LRFN5: variants seen among roughly 807,000 people sequenced by gnomAD.
The protein encoded by LRFN5 is leucine-rich repeat and fibronectin type-III domain-containing protein 5.
LRFN5 carries 24 observed loss-of-function variants against 45.6 expected under a neutral mutation model. That is an observed-to-expected ratio of 0.53 (90% CI 0.38 to 0.74). The LOEUF (loss-of-function observed/expected upper bound fraction) is 0.74, where lower values mean the gene tolerates loss of function less well. Ranked by LOEUF, LRFN5 falls within the 30% of genes least tolerant of loss-of-function variation. LRFN5 has a pLI of 0.00. For synonymous variants in LRFN5, 340 were observed against 313.8 expected (o/e 1.08, Z -0.88); for missense variants, 776 against 861.5 (o/e 0.90, Z 1.24).
intron 2 of LRFN5, among the ~76,000 whole-genome samples, chr14:41,817,346 T>C (rs1235108868): frequency 6.6e-6 from 1 of 152,112 alleles, no homozygotes; most frequent in Non-Finnish European, 1.5e-5. Context: ...TACTTTGTAC[T>C]TGATAACTGG....
At chr14:41,763,760 C>A (rs999717638) in intron 1 of LRFN5, among the ~76,000 whole-genome samples, 1 of 152,162 alleles carries the variant, frequency 6.6e-6, no homozygotes, top group African/African-American at 2.4e-5. Flanking sequence ...GTGAGGCCTC[C>A]CCAGCCATGT....
At chr14:41,725,195 TG>T (rs1306478381) in intron 1 of LRFN5, among the ~76,000 whole-genome samples, 1 of 152,286 alleles carries the variant, frequency 6.6e-6, no homozygotes, top group East Asian at 1.9e-4. Flanking sequence ...ACATTTTAGA[TG>T]TGGCGAACTT....
chr14:41,727,946 C>A (rs1174134448), intron 1 of LRFN5, among the ~76,000 whole-genome samples: 1 of 152,072 alleles, frequency 6.6e-6, no homozygotes, highest in Non-Finnish European at 1.5e-5. Flanking sequence ...AATGCAAATG[C>A]CTTCTCACCC....
At chr14:41,681,313 C>T (rs1881871926) in intron 1 of LRFN5, among the ~76,000 whole-genome samples, 1 of 152,010 alleles carries the variant, frequency 6.6e-6, no homozygotes, top group African/African-American at 2.4e-5. Context: ...CACCTTAAGA[C>T]ATTTAATAAT....
At chr14:41,654,814 C>T (rs921146562) in intron 1 of LRFN5, among the ~76,000 whole-genome samples, 7 of 152,074 alleles carry the variant, frequency 4.6e-5, no homozygotes, top group African/African-American at 1.7e-4. Context: ...GACCTTCCCA[C>T]AGTACTGATA....
At chr14:41,702,247 T>G (rs567576220) in intron 1 of LRFN5, among the ~76,000 whole-genome samples, 1 of 152,278 alleles carries the variant, frequency 6.6e-6, no homozygotes, top group Admixed American at 6.5e-5. Flanking sequence ...ACACCAAGAC[T>G]CAGAGAAGTT....
At chr14:41,836,829 G>T (rs976417100) in intron 2 of LRFN5, among the ~76,000 whole-genome samples, 1 of 110,752 alleles carries the variant, frequency 9.0e-6, no homozygotes, top group Non-Finnish European at 2.0e-5. Flanking sequence ...CTCCTTGTTG[G>T]GTATCTTAAT....
chr14:41,734,407 A>G (rs1014727301), intron 1 of LRFN5, among the ~76,000 whole-genome samples: 7 of 134,146 alleles, frequency 5.2e-5, no homozygotes, highest in African/African-American at 1.9e-4. Context: ...ACATAATGAC[A>G]TCATTTTCTT....
intron 1 of LRFN5, among the ~76,000 whole-genome samples, chr14:41,729,498 A>G (rs1288533050): frequency 1.3e-5 from 2 of 152,140 alleles, no homozygotes; most frequent in African/African-American, 4.8e-5. Flanking sequence ...TACCAGTCTC[A>G]GGTATTCCTT....
chr14:41,712,130 ACACATGAGG>A (rs1883310388), intron 1 of LRFN5, among the ~76,000 whole-genome samples: 1 of 152,192 alleles, frequency 6.6e-6, no homozygotes, highest in Non-Finnish European at 1.5e-5. Context: ...AAAGACTGAG[ACACATGAGG>A]GACAGCTTGA....
At chr14:41,848,799 G>A (rs1247989379) in intron 2 of LRFN5, among the ~76,000 whole-genome samples, 3 of 151,996 alleles carry the variant, frequency 2.0e-5, no homozygotes, top group African/African-American at 7.2e-5. Context: ...GACACTGGCA[G>A]AGTATACCAT....
At chr14:41,674,371 CG>C (rs1159448406) in intron 1 of LRFN5, among the ~76,000 whole-genome samples, 1 of 137,328 alleles carries the variant, frequency 7.3e-6, no homozygotes, top group Non-Finnish European at 1.6e-5. Context: ...GCTGGCCGGG[CG>C]GGGGGCTGAC....
chr14:41,856,672 A>ATTTTTTTTTTTT (rs1889465921), intron 2 of LRFN5, among the ~76,000 whole-genome samples: 10 of 5,980 alleles, frequency 1.7e-3, no homozygotes, highest in Admixed American at 2.6e-3. Flanking sequence ...TATTATTATT[A>ATTTTTTTTTTTT]TTATTTTTTT....
chr14:41,782,284 A>G (rs2138921655), intron 2 of LRFN5, among the ~76,000 whole-genome samples: 1 of 151,640 alleles, frequency 6.6e-6, no homozygotes, highest in East Asian at 1.9e-4. Context: ...CATTTCTCAA[A>G]CTTGTTAAGT....
intron 2 of LRFN5, among the ~76,000 whole-genome samples, chr14:41,840,081 A>G (rs1237598969): frequency 6.6e-6 from 1 of 152,142 alleles, no homozygotes; most frequent in African/African-American, 2.4e-5. Flanking sequence ...GTGGAAGGCA[A>G]CTTGGAAATT....
chr14:41,796,548 T>G (rs990090323), intron 2 of LRFN5, among the ~76,000 whole-genome samples: 2 of 151,994 alleles, frequency 1.3e-5, no homozygotes, highest in Admixed American at 1.3e-4. Context: ...ATGAATACTT[T>G]GCTGTATTTT....
chr14:41,670,533 T>C (rs1028706374), intron 1 of LRFN5, among the ~76,000 whole-genome samples: 2 of 151,520 alleles, frequency 1.3e-5, no homozygotes, highest in South Asian at 4.2e-4. Context: ...AAAATAAAAA[T>C]TATATTTATG....
intron 1 of LRFN5, among the ~76,000 whole-genome samples, chr14:41,644,928 T>C (rs1879742800): frequency 6.6e-6 from 1 of 152,218 alleles, no homozygotes; most frequent in East Asian, 1.9e-4. Context: ...AATTAAAACA[T>C]GGTTTCTTTT....
intron 1 of LRFN5, among the ~76,000 whole-genome samples, chr14:41,725,721 C>T (rs1189361573): frequency 6.6e-6 from 1 of 152,134 alleles, no homozygotes; most frequent in Non-Finnish European, 1.5e-5. Context: ...TTCTAAGTCT[C>T]CACTGAACCA....
Sources: allele counts gnomAD v4.1 joint callset (sites outside exome capture counted in the v4.1 genomes callset), GRCh38; gene constraint gnomAD v4.1.1; transcripts MANE v1.5; gene names NCBI Gene and HGNC (gene_info 2026-07-23, HGNC 2026-07-21).